The following GMDS variants were observed in gnomAD, a reference collection of about 807,000 sequenced individuals.
The protein encoded by GMDS is GDP-mannose 4,6 dehydratase.
Under a neutral mutation model 49.9 loss-of-function variants are expected in GMDS, and 20 were observed. That is an observed-to-expected ratio of 0.40 (90% CI 0.28 to 0.58). The LOEUF is 0.58. Ranked by LOEUF, GMDS falls within the 20% of genes least tolerant of loss-of-function variation. The pLI is 0.42. For synonymous variants in GMDS, 177 were observed against 178.6 expected (o/e 0.99, Z 0.07); for missense variants, 362 against 481.4 (o/e 0.75, Z 2.32).
intron 7 of GMDS, among the ~76,000 whole-genome samples, chr6:1,928,022 G>A (rs373239062): frequency 6.6e-6 from 1 of 152,246 alleles, no homozygotes; most frequent in East Asian, 1.9e-4. Flanking sequence ...AAAATTGAAT[G>A]AAATTTAATC....
chr6:1,732,994 G>A (rs1766870920), intron 8 of GMDS, among the ~76,000 whole-genome samples: 1 of 152,226 alleles, frequency 6.6e-6, no homozygotes, highest in African/African-American at 2.4e-5. Context: ...AAGAAGATGG[G>A]CCTCAGCACA....
chr6:2,032,474 T>C (rs1281400247), intron 4 of GMDS, among the ~76,000 whole-genome samples: 1 of 152,190 alleles, frequency 6.6e-6, no homozygotes, highest in African/African-American at 2.4e-5. Flanking sequence ...TTATTTTCTC[T>C]TGGCATATTG....
intron 4 of GMDS, among the ~76,000 whole-genome samples, chr6:2,025,354 TGG>T (rs1460509390): frequency 7.8e-6 from 1 of 128,524 alleles, no homozygotes; most frequent in African/African-American, 3.0e-5. Context: ...AATCTGATGG[TGG>T]GGTGTGTGTG....
At chr6:1,866,591 C>T (rs1758451456) in intron 7 of GMDS, among the ~76,000 whole-genome samples, 1 of 152,184 alleles carries the variant, frequency 6.6e-6, no homozygotes, top group South Asian at 2.1e-4. Context: ...ACAATTAAAC[C>T]TGCTGAGACC....
intron 7 of GMDS, among the ~76,000 whole-genome samples, chr6:1,769,685 G>T (rs968794398): frequency 6.6e-6 from 1 of 150,802 alleles, no homozygotes; most frequent in Non-Finnish European, 1.5e-5. Context: ...AGGTAACACA[G>T]AGTTTAAATG....
intron 4 of GMDS, among the ~76,000 whole-genome samples, chr6:2,111,730 T>C (rs1774554029): frequency 6.6e-6 from 1 of 152,068 alleles, no homozygotes; most frequent in African/African-American, 2.4e-5. Flanking sequence ...CCAAACCAAA[T>C]AACAAGAAAT....
chr6:1,880,960 T>C lies in GMDS; in HGVS notation c.771+49143A>G, dbSNP rs181694699. ...AGAAGGGTATGAATTGTTGATGAAA[T>C]ATTAAAGTAGAAATCCAGGATAAAG... is the stretch of plus-strand genomic sequence containing the variant. On this transcript the variant is annotated intron_variant, in intron 7 of 10. Coordinates refer to ENST00000380815, the MANE Select transcript of GMDS (RefSeq NM_001500.4). 3.4e-3 allele frequency among the ~76,000 whole-genome samples: 520 copies of C among 152,102 alleles called. 3 individuals carry two copies. Among genetic ancestry groups the C allele is most frequent in the African/African-American group, 0.012 (482 of 41,488 alleles).
chr6:1,689,593 T>C (rs538279241), intron 9 of GMDS, among the ~76,000 whole-genome samples: 83 of 152,316 alleles, frequency 5.4e-4, no homozygotes, highest in African/African-American at 1.9e-3. Flanking sequence ...CTAAGTAAAC[T>C]TGAAAATTCA....
chr6:1,867,689 C>T (rs1219848799), intron 7 of GMDS, among the ~76,000 whole-genome samples: 1 of 152,122 alleles, frequency 6.6e-6, no homozygotes, highest in Non-Finnish European at 1.5e-5. Context: ...GAGAAAATTT[C>T]CCTCTATTAA....
At chr6:2,170,203 CAA>C (rs34632162) in intron 1 of GMDS, among the ~76,000 whole-genome samples, 5 of 121,256 alleles carry the variant, frequency 4.1e-5, no homozygotes, top group African/African-American at 5.5e-5. Flanking sequence ...AACTACATCT[CAA>C]AAAAAAAAAA....
chr6:2,134,507 AT>A (rs975872967), intron 1 of GMDS, among the ~76,000 whole-genome samples: 5 of 152,208 alleles, frequency 3.3e-5, no homozygotes, highest in Admixed American at 6.5e-5. Context: ...CAAACTTTAA[AT>A]TGCCAATCTA....
At chr6:1,877,724 A>G (rs9378661) in intron 7 of GMDS, among the ~76,000 whole-genome samples, 70,415 of 151,190 alleles carry the variant, frequency 0.47, 19,673 homozygotes, top group Non-Finnish European at 0.63. Flanking sequence ...AAGAATGAAA[A>G]GGTTGGCAGC....
intron 1 of GMDS, among the ~76,000 whole-genome samples, chr6:2,163,133 A>G (rs1042413812): frequency 2.0e-5 from 3 of 152,196 alleles, no homozygotes; most frequent in Admixed American, 1.3e-4. Context: ...CTAGGAGGCT[A>G]CTTTTATAAT....
chr6:1,629,850 G>C (rs1457756165), intron 9 of GMDS, among the ~76,000 whole-genome samples: 1 of 152,172 alleles, frequency 6.6e-6, no homozygotes, highest in Non-Finnish European at 1.5e-5. Flanking sequence ...CTAAACAAAT[G>C]GAAAGAAATG....
At chr6:1,903,431 C>A (rs1255256118) in intron 7 of GMDS, among the ~76,000 whole-genome samples, 1 of 152,192 alleles carries the variant, frequency 6.6e-6, no homozygotes, top group Non-Finnish European at 1.5e-5. Context: ...AAAGGAAGAC[C>A]TGGATAAGTC....
chr6:1,956,112 A>G (rs894148424), intron 6 of GMDS, among the ~76,000 whole-genome samples: 2 of 152,202 alleles, frequency 1.3e-5, no homozygotes, highest in Non-Finnish European at 2.9e-5. Context: ...AAATCTTTCT[A>G]AAAGACTACC....
At chr6:1,808,006 T>A (rs528213536) in intron 7 of GMDS, among the ~76,000 whole-genome samples, 2 of 152,224 alleles carry the variant, frequency 1.3e-5, no homozygotes, top group East Asian at 1.9e-4. Context: ...GAGGACTTCA[T>A]TTCTAGACTA....
intron 4 of GMDS, among the ~76,000 whole-genome samples, chr6:2,089,520 G>GA (rs1468181098): frequency 6.6e-6 from 1 of 152,106 alleles, no homozygotes; most frequent in Non-Finnish European, 1.5e-5. Flanking sequence ...AAGAGAAGCA[G>GA]AAGGAAAAAG....
chr6:1,758,399 T>C (rs545179215), intron 7 of GMDS, among the ~76,000 whole-genome samples: 1 of 152,114 alleles, frequency 6.6e-6, no homozygotes, highest in Non-Finnish European at 1.5e-5. Context: ...GCCTCATCCA[T>C]CCACAAATGG....
Sources: allele counts gnomAD v4.1 joint callset (sites outside exome capture counted in the v4.1 genomes callset), GRCh38; gene constraint gnomAD v4.1.1; transcripts MANE v1.5; gene names NCBI Gene and HGNC (gene_info 2026-07-23, HGNC 2026-07-21).